CNTLN: variants seen among roughly 807,000 people sequenced by gnomAD.
The protein encoded by CNTLN is centlein, also known as centlein, centrosomal protein.
In CNTLN, 212 loss-of-function variants were observed where a neutral mutation model predicts 180.0. The observed-to-expected ratio is 1.18, with a 90% confidence interval of 1.05 to 1.32. CNTLN has a LOEUF of 1.32. CNTLN is among the 40% of genes most tolerant of loss of function. The pLI is 0.00. For missense variants in CNTLN, 2,095 were observed against 1,610.9 expected (o/e 1.30, Z -5.14); for synonymous variants, 722 against 563.1 (o/e 1.28, Z -3.99).
chr9:17,212,201 T>C (rs528816005), intron 2 of CNTLN, among the ~76,000 whole-genome samples: 1 of 152,338 alleles, frequency 6.6e-6, no homozygotes, highest in South Asian at 2.1e-4. Context: ...TTGTGATAAA[T>C]AGCTCTTATT....
At chr9:17,370,357 G>A (rs983865185) in intron 13 of CNTLN, among the ~76,000 whole-genome samples, 26 of 152,158 alleles carry the variant, frequency 1.7e-4, no homozygotes, top group African/African-American at 5.3e-4. Context: ...GCTGGCAGCA[G>A]ACTTTTCAGT....
intron 21 of CNTLN, among the ~76,000 whole-genome samples, chr9:17,465,557 T>TAA (rs1831699333): frequency 6.7e-6 from 1 of 149,884 alleles, no homozygotes; most frequent in Non-Finnish European, 1.5e-5. Flanking sequence ...TATATATATA[T>TAA]AAAATATCCT....
At chr9:17,264,652 G>A (rs985677471) in intron 5 of CNTLN, among the ~76,000 whole-genome samples, 1 of 152,154 alleles carries the variant, frequency 6.6e-6, no homozygotes, top group Non-Finnish European at 1.5e-5. Flanking sequence ...CCATTTTCAC[G>A]ATATTGATTC....
At position 17,300,462 on chromosome 9, in the gene CNTLN, C is replaced by G. The variant is rs977370226; in HGVS notation, c.1146+2110C>G. On this transcript the variant is annotated intron_variant, in intron 7 of 25. Transcript: ENST00000380647. ...CATACTGAACGTGTTCAAAACAAAG[C>G]TATTGCCTTTTATGTTTTCAGTACA... 5 of 152,138 alleles carry G rather than the reference C, an allele frequency of 3.3e-5. No individual in the cohort carries two copies. The South Asian group carries it at 6.2e-4, about 19-fold the overall frequency. The allele number at this position is 152,138 out of a possible 1,614,324, so 9.4% of individuals were successfully genotyped here. A position where few individuals can be genotyped will look rare whatever the true frequency, so the allele number is the denominator to read the frequency against.
intron 10 of CNTLN, among the ~76,000 whole-genome samples, chr9:17,334,268 C>G (rs1407861310): frequency 6.6e-6 from 1 of 152,040 alleles, no homozygotes; most frequent in Non-Finnish European, 1.5e-5. Context: ...CCATGTTGGC[C>G]AGGCTGATCT....
At chr9:17,365,280 G>C (rs1823718802) in intron 12 of CNTLN, among the ~76,000 whole-genome samples, 1 of 152,100 alleles carries the variant, frequency 6.6e-6, no homozygotes, top group Non-Finnish European at 1.5e-5. Flanking sequence ...TCCTGTTCCA[G>C]CCATGTAAGA....
chr9:17,324,675 A>G (rs1196023597), intron 8 of CNTLN, among the ~76,000 whole-genome samples: 1 of 152,124 alleles, frequency 6.6e-6, no homozygotes, highest in Non-Finnish European at 1.5e-5. Flanking sequence ...ACTGGATATA[A>G]GTATAATTGG....
intron 2 of CNTLN, among the ~76,000 whole-genome samples, chr9:17,174,800 G>A (rs1387321026): frequency 6.6e-6 from 1 of 151,850 alleles, no homozygotes; most frequent in Non-Finnish European, 1.5e-5. Context: ...TGGTTTATCT[G>A]CTTCTTCACC....
intron 13 of CNTLN, among the ~76,000 whole-genome samples, chr9:17,378,743 AT>A (rs1406338417): frequency 6.6e-6 from 1 of 152,060 alleles, no homozygotes; most frequent in Non-Finnish European, 1.5e-5. Context: ...AGTGTTTTCT[AT>A]TGTAGAAGGG....
chr9:17,157,590 G>A (rs1052930019), intron 2 of CNTLN, among the ~76,000 whole-genome samples: 5 of 152,150 alleles, frequency 3.3e-5, no homozygotes, highest in African/African-American at 4.8e-5. Flanking sequence ...AGAGATTAGC[G>A]TTTGAATTGA....
intron 2 of CNTLN, among the ~76,000 whole-genome samples, chr9:17,177,893 T>G (rs1390384474): frequency 6.6e-6 from 1 of 152,160 alleles, no homozygotes; most frequent in Non-Finnish European, 1.5e-5. Flanking sequence ...GGTGCTTTTA[T>G]TCTCTTATCT....
intron 23 of CNTLN, among the ~76,000 whole-genome samples, chr9:17,471,025 T>G (rs79726172): frequency 0.089 from 13,596 of 152,082 alleles, 786 homozygotes; most frequent in Non-Finnish European, 0.13. Context: ...TTAACTCTTT[T>G]CACCCTGTCA....
chr9:17,436,475 A>C (rs568727039), intron 18 of CNTLN, among the ~76,000 whole-genome samples: 1 of 152,344 alleles, frequency 6.6e-6, no homozygotes, highest in East Asian at 1.9e-4. Context: ...CAGAATTTGG[A>C]ATTAAAAACA....
chr9:17,423,661 A>G (rs1014155667), intron 18 of CNTLN, among the ~76,000 whole-genome samples: 1 of 152,144 alleles, frequency 6.6e-6, no homozygotes, highest in Admixed American at 6.5e-5. Flanking sequence ...ATATTTATTC[A>G]GTACTGCAGG....
rs147767254 is a variant in CNTLN at position 17,200,241 on chromosome 9, C to T, written c.450-25962C>T. ...TACCATGCTGTTTTGGTTACTGTAG[C>T]CTTGTAGTATAGTTTGAAGTCAGGT... On this transcript the variant is annotated intron_variant, in intron 2 of 25. Coordinates refer to ENST00000380647, the MANE Select transcript of CNTLN (RefSeq NM_017738.4). Among the ~76,000 whole-genome samples the T allele has an allele frequency of 5.0e-3, 762 of 152,246 alleles. 10 individuals carry two copies. The highest frequency in any genetic ancestry group is 0.017 in the African/African-American group (715 of 41,548).
chr9:17,136,430 C>T (rs1817721210), intron 1 of CNTLN, among the ~76,000 whole-genome samples: 1 of 152,152 alleles, frequency 6.6e-6, no homozygotes, highest in South Asian at 2.1e-4. Flanking sequence ...CCCGGGTTCA[C>T]GCCATTCTCC....
intron 2 of CNTLN, 28 bp downstream of exon 2, chr9:17,143,404 G>C: frequency 4.0e-6 from 6 of 1,518,076 alleles, no homozygotes; most frequent in East Asian, 2.3e-5. Context: ...TTTTTCATGA[G>C]TATTTGGTGT....
chr9:17,219,623 T>C (rs936003520), intron 2 of CNTLN, among the ~76,000 whole-genome samples: 1 of 152,140 alleles, frequency 6.6e-6, no homozygotes, highest in Non-Finnish European at 1.5e-5. Context: ...ATTTTTTCAA[T>C]ATTATGTCAC....
intron 5 of CNTLN, among the ~76,000 whole-genome samples, chr9:17,251,791 C>T (rs1563921859): frequency 6.6e-6 from 1 of 151,634 alleles, no homozygotes; most frequent in Admixed American, 6.6e-5. Flanking sequence ...GACGTTGTTC[C>T]CAAGTATAGG....
Sources: allele counts gnomAD v4.1 joint callset (sites outside exome capture counted in the v4.1 genomes callset), GRCh38; gene constraint gnomAD v4.1.1; transcripts MANE v1.5; gene names NCBI Gene and HGNC (gene_info 2026-07-23, HGNC 2026-07-21).